DOP1B: variants seen among roughly 807,000 people sequenced by gnomAD.
The protein encoded by DOP1B is DOP1 leucine zipper like protein B.
DOP1B carries 174 observed loss-of-function variants against 233.5 expected under a neutral mutation model. The ratio of observed to expected loss-of-function variants is 0.75; its 90% CI spans 0.66 to 0.85. The LOEUF (loss-of-function observed/expected upper bound fraction) is 0.85. Ranked by LOEUF, DOP1B falls within the 40% of genes least tolerant of loss-of-function variation. The pLI is 0.00. For missense variants in DOP1B, 2,652 were observed against 2,846.6 expected (o/e 0.93, Z 1.56); for synonymous variants, 1,190 against 1,185.6 (o/e 1.00, Z -0.08).
rs776063819 is a variant in DOP1B at position 36,238,605 on chromosome 21, C to T, written c.2780C>T (p.Thr927Ile). The change falls in exon 17 of 37, where the codon ACA (threonine) becomes ATA (isoleucine). Residue 927 changes from threonine (T) to isoleucine (I), a missense_variant. Thr to Ile is a moderately conservative substitution (Grantham distance 89). Around this residue, in one of 3 missense-constraint regions of DOP1B, gnomAD observed 2,617 missense variants for 2,794.3 expected, o/e 0.94. Coordinates refer to ENST00000691173, the MANE Select transcript of DOP1B (RefSeq NM_001320714.2). ...CCCATGTATCTCCTCATCAAGGGAA[C>T]AAGGCTGGAAGCTCTGTTTAGATTT... ...CHALLDPDKG[T>I]RLEALFRFSV... The T allele has an allele frequency of 1.2e-6, 2 of 1,614,210 alleles. No individual in the cohort carries two copies. The highest frequency in any genetic ancestry group is 1.7e-6 in the Non-Finnish European group (2 of 1,180,026).
chr21:36,252,187 A>AG (rs1005211149), intron 22 of DOP1B, among the ~76,000 whole-genome samples: 4 of 149,794 alleles, frequency 2.7e-5, no homozygotes, highest in African/African-American at 9.8e-5. Context: ...AAAAAAAAAA[A>AG]CTTTACCTAA....
chr21:36,228,388 G>A (rs534504845), intron 13 of DOP1B, among the ~76,000 whole-genome samples: 38 of 151,702 alleles, frequency 2.5e-4, no homozygotes, highest in Admixed American at 6.6e-4. Flanking sequence ...TCTTGAACCT[G>A]GGAGGCGGAG....
In DOP1B at chr21:36,246,552, G is replaced by A. The variant is rs147991550; in HGVS notation, c.4572G>A (p.Thr1524=). 73 of 1,614,162 alleles carry A rather than the reference G, an allele frequency of 4.5e-5. No individual in the cohort carries two copies. Among genetic ancestry groups the A allele is most frequent in the South Asian group, 6.6e-5 (6 of 91,084 alleles). The change falls in exon 19 of 37, where the codon ACG becomes ACA. Residue 1524 remains threonine, a synonymous_variant. Transcript: ENST00000691173. This position sits in a 1 kb window ranked among gnomAD's most constrained non-coding sequence, Gnocchi z 5.1. ...ATCCGGCCTGGGTGAGCTTGGTCAC[G>A]CATTCCTTGCCCTACTTCGGAAAGT... ...GMHPAWVSLV[T]HSLPYFGKSL... is the part of the protein sequence containing the mutation.
At chr21:36,172,753 A>G (rs9680111) in intron 2 of DOP1B, among the ~76,000 whole-genome samples, 56,589 of 151,944 alleles carry the variant, frequency 0.37, 10,682 homozygotes, top group South Asian at 0.5. Flanking sequence ...CTCAAAAAAA[A>G]AAAGGAATTT....
Position 36,270,086 on chromosome 21 carries a change from G to T in DOP1B, c.5561G>T (p.Ser1854Ile), listed in dbSNP as rs1234498936. ...TCCTTGGAGCAAACCAGCTGGCTAA[G>T]CAGAAACCTGGAAGTGAAGGCCCAA... Reference protein sequence around the residue: ...GSSLEQTSWLSRNLEVKAQPQ... With the variant: ...GSSLEQTSWLIRNLEVKAQPQ... The change falls in exon 27 of 37, where the codon AGC becomes ATC. Residue 1854 changes from serine to isoleucine, a missense_variant. Ser to Ile is a moderately radical substitution (Grantham distance 142). Transcript: ENST00000691173. 1 of 1,614,032 alleles carries T rather than the reference G, an allele frequency of 6.2e-7. No individual in the cohort carries two copies. The highest frequency in any genetic ancestry group is 2.2e-5 in the East Asian group (1 of 44,886).
rs139819499 is a variant in DOP1B, at chr21:36,211,459, C to T, written c.682-94C>T. The T allele has an allele frequency of 6.6e-4, 753 of 1,143,446 alleles. 4 individuals are homozygous for T. The African/African-American group carries it at 0.01, about 16-fold the overall frequency. 70.8% of individuals were successfully genotyped at this position (1,143,446 alleles called of 1,614,324 possible). A position where few individuals can be genotyped will look rare whatever the true frequency, so the allele number is the denominator to read the frequency against. On this transcript the variant is annotated intron_variant, in intron 5 of 36. Coordinates refer to ENST00000691173, the MANE Select transcript of DOP1B (RefSeq NM_001320714.2). ...GCTGGTTCTCTTCTGAGTGATATAA[C>T]GCAGGAGTTTCAAGATTCCCGGGAA...
At chr21:36,160,153 A>G (rs2065857111) in intron 1 of DOP1B, among the ~76,000 whole-genome samples, 1 of 149,902 alleles carries the variant, frequency 6.7e-6, no homozygotes, top group Non-Finnish European at 1.5e-5. Context: ...TAATAATAAT[A>G]TGGACCATTT....
intron 5 of DOP1B, among the ~76,000 whole-genome samples, chr21:36,209,560 G>A (rs983730422): frequency 2.6e-5 from 4 of 151,992 alleles, no homozygotes; most frequent in South Asian, 2.1e-4. Flanking sequence ...CCTGTGTCAC[G>A]GGGGCCACTG....
chr21:36,208,317 A>G (rs896988773), intron 4 of DOP1B, among the ~76,000 whole-genome samples: 1 of 152,182 alleles, frequency 6.6e-6, no homozygotes, highest in African/African-American at 2.4e-5. Context: ...TTTTTGATAC[A>G]CCAATGGCTC....
intron 26 of DOP1B, among the ~76,000 whole-genome samples, chr21:36,266,625 C>T (rs1194382093): frequency 6.6e-6 from 1 of 152,206 alleles, no homozygotes; most frequent in Non-Finnish European, 1.5e-5. Flanking sequence ...CTCATCCGAA[C>T]CCAGTTACTT....
At chr21:36,282,010 A>G (rs539719939) in intron 32 of DOP1B, among the ~76,000 whole-genome samples, 2 of 152,322 alleles carry the variant, frequency 1.3e-5, no homozygotes, top group East Asian at 3.9e-4. Context: ...GGCTGAGATG[A>G]TTAAGTACTA....
chr21:36,218,573 A>G (rs973189483), intron 9 of DOP1B, among the ~76,000 whole-genome samples: 2 of 152,338 alleles, frequency 1.3e-5, no homozygotes, highest in African/African-American at 4.8e-5. Flanking sequence ...CAGGAAACTT[A>G]GCATGAAAAT....
At chr21:36,268,820 C>T (rs1485923601) in intron 26 of DOP1B, among the ~76,000 whole-genome samples, 1 of 152,176 alleles carries the variant, frequency 6.6e-6, no homozygotes, top group Non-Finnish European at 1.5e-5. Context: ...CAGGCGTGCA[C>T]CACCACGCCT....
intron 5 of DOP1B, among the ~76,000 whole-genome samples, chr21:36,211,194 T>A (rs1207271044): frequency 6.6e-6 from 1 of 152,238 alleles, no homozygotes; most frequent in East Asian, 1.9e-4. Context: ...GAAAAGACAC[T>A]CAGAATATCT....
At chr21:36,193,455 CT>C (rs1212926592) in intron 2 of DOP1B, among the ~76,000 whole-genome samples, 2 of 152,138 alleles carry the variant, frequency 1.3e-5, no homozygotes, top group African/African-American at 4.8e-5. Context: ...GGCAGGACGC[CT>C]GTCACAGGGC....
intron 7 of DOP1B, among the ~76,000 whole-genome samples, chr21:36,213,438 C>A (rs563220722): frequency 6.6e-6 from 1 of 152,058 alleles, no homozygotes; most frequent in African/African-American, 2.4e-5. Context: ...CTGATGGGAG[C>A]ATGTGCATGA....
intron 28 of DOP1B, among the ~76,000 whole-genome samples, chr21:36,277,704 G>C (rs1403198974): frequency 3.3e-5 from 5 of 151,070 alleles, no homozygotes; most frequent in Non-Finnish European, 7.4e-5. Flanking sequence ...ACTCAGGCTG[G>C]AGTGCAGTGG....
At chr21:36,252,081 G>C (rs1425148427) in intron 22 of DOP1B, among the ~76,000 whole-genome samples, 7 of 151,938 alleles carry the variant, frequency 4.6e-5, no homozygotes, top group African/African-American at 1.7e-4. Flanking sequence ...AGAGGCTAAG[G>C]TGGGAGGATC....
chr21:36,197,581 G>A (rs2066305801), intron 2 of DOP1B, among the ~76,000 whole-genome samples: 1 of 152,324 alleles, frequency 6.6e-6, no homozygotes, highest in South Asian at 2.1e-4. Flanking sequence ...TAGAGGGAAG[G>A]CCTGTTCTGC....
Sources: gnomAD v4.1 joint callset for allele counts (sites outside exome capture counted in the v4.1 genomes callset) on GRCh38, gnomAD v4.1.1 for gene constraint, gnomAD v4.1.1 regional missense constraint, Gnocchi (gnomAD v3.1) non-coding constraint, MANE v1.5 for transcripts, NCBI Gene and HGNC (gene_info 2026-07-23, HGNC 2026-07-21) for gene names.